EPS15: variants seen among roughly 807,000 people sequenced by gnomAD.
EPS15 encodes the protein epidermal growth factor receptor pathway substrate 15.
In EPS15, 72 loss-of-function variants were observed where a neutral mutation model predicts 113.8. The ratio of observed to expected loss-of-function variants is 0.63; its 90% CI spans 0.52 to 0.77. EPS15 has a LOEUF of 0.77. Ranked by LOEUF, EPS15 falls within the 30% of genes least tolerant of loss-of-function variation. The pLI, the probability that EPS15 is intolerant of heterozygous loss-of-function variation, is 0.00. For missense variants in EPS15, 1,048 were observed against 1,045.8 expected (o/e 1.00, Z -0.03); for synonymous variants, 344 against 363.4 (o/e 0.95, Z 0.61).
intron 12 of EPS15, among the ~76,000 whole-genome samples, chr1:51,423,947 G>A (rs1264299562): frequency 6.6e-6 from 1 of 152,176 alleles, no homozygotes; most frequent in African/African-American, 2.4e-5. Context: ...AAGAGGAAGG[G>A]GAGGAAAGGA....
chr1:51,454,081 A>T (rs1029395043), intron 8 of EPS15, among the ~76,000 whole-genome samples: 3 of 150,976 alleles, frequency 2.0e-5, no homozygotes, highest in Admixed American at 6.6e-5. Context: ...AAGGGAAAAG[A>T]TCGTGCTCAG....
At chr1:51,484,331 G>C (rs1400387954) in intron 1 of EPS15, among the ~76,000 whole-genome samples, 3 of 152,134 alleles carry the variant, frequency 2.0e-5, no homozygotes, top group Non-Finnish European at 4.4e-5. Context: ...GGAGGCCGAG[G>C]CAGGAGGACT....
chr1:51,473,044 T>C (rs1391509794), intron 2 of EPS15, 96 bp from the exon 3 acceptor site: 2 of 908,154 alleles, frequency 2.2e-6, no homozygotes, highest in Admixed American at 4.0e-5. Flanking sequence ...GGGACCTGGC[T>C]TTTGCAAGAA....
intron 8 of EPS15, among the ~76,000 whole-genome samples, chr1:51,459,948 TAAAAAG>T (rs1400666213): frequency 1.3e-5 from 2 of 151,554 alleles, no homozygotes; most frequent in African/African-American, 4.8e-5. Context: ...AAATTTAAAA[TAAAAAG>T]AATAAGAAAA....
At chr1:51,374,951 C>T (rs531714467) in intron 21 of EPS15, among the ~76,000 whole-genome samples, 1 of 150,050 alleles carries the variant, frequency 6.7e-6, no homozygotes, top group African/African-American at 2.4e-5. Context: ...GCTGGAATTA[C>T]AGGTGTAAGC....
At chr1:51,496,162 C>T (rs948551556) in intron 1 of EPS15, among the ~76,000 whole-genome samples, 2 of 152,076 alleles carry the variant, frequency 1.3e-5, no homozygotes, top group African/African-American at 4.8e-5. Context: ...TACTATTATA[C>T]CCATTTAACA....
chr1:51,409,883 GA>G (rs1649536254), intron 13 of EPS15, among the ~76,000 whole-genome samples, 187 bp from the exon 14 acceptor site: 1 of 151,902 alleles, frequency 6.6e-6, no homozygotes, highest in Admixed American at 6.6e-5. Context: ...TCCATATTTA[GA>G]TATTCAATTT....
rs1646205503 is a variant in EPS15, at chr1:51,355,775, G to C, written c.*925C>G. 5.2e-6 allele frequency: 1 copy of C among 192,728 alleles called. No individual in the cohort carries two copies. The highest frequency in any genetic ancestry group is 2.3e-5 in the African/African-American group (1 of 42,596). 11.9% of individuals were successfully genotyped at this position (192,728 alleles called of 1,614,324 possible). Reference sequence around the variant, plus strand: ...TACCTTCCAGTTCTAGCTTGCTGAAGTTTCTTCTGCAAAAGTACAAAAATT... The same window carrying C: ...TACCTTCCAGTTCTAGCTTGCTGAACTTTCTTCTGCAAAAGTACAAAAATT... On this transcript the variant is annotated 3_prime_UTR_variant, in exon 25 of 25. Transcript: ENST00000371733.
intron 21 of EPS15, among the ~76,000 whole-genome samples, chr1:51,382,715 G>A (rs543548595): frequency 8.2e-4 from 125 of 152,102 alleles, no homozygotes; most frequent in African/African-American, 2.2e-3. Flanking sequence ...CACTGTGCCC[G>A]GCCACCATTA....
chr1:51,462,870 A>ATTT (rs34320767), intron 7 of EPS15, among the ~76,000 whole-genome samples: 82 of 111,064 alleles, frequency 7.4e-4, no homozygotes, highest in East Asian at 9.3e-4. Flanking sequence ...AAAAAGTCAG[A>ATTT]TTTTTTTTTT....
At chr1:51,480,565 A>C (rs1211938986) in intron 2 of EPS15, among the ~76,000 whole-genome samples, 1 of 152,216 alleles carries the variant, frequency 6.6e-6, no homozygotes, top group East Asian at 1.9e-4. Flanking sequence ...CACAAGCTGG[A>C]GTGCAATGGC....
At chr1:51,431,024 ACAC>A (rs1651689778) in intron 12 of EPS15, among the ~76,000 whole-genome samples, 104 of 121,424 alleles carry the variant, frequency 8.6e-4, no homozygotes, top group African/African-American at 1.8e-3. Context: ...ACACACACAC[ACAC>A]AAAAATAAAA....
chr1:51,384,298 CTTTTT>C (rs67265512), intron 21 of EPS15, among the ~76,000 whole-genome samples: 4 of 99,530 alleles, frequency 4.0e-5, no homozygotes, highest in Non-Finnish European at 5.6e-5. Flanking sequence ...TTCTTTCTTT[CTTTTT>C]TTTTTTTTTT....
chr1:51,513,842 C>CTA (rs1294650818), intron 1 of EPS15, among the ~76,000 whole-genome samples: 1 of 152,100 alleles, frequency 6.6e-6, no homozygotes, highest in East Asian at 1.9e-4. Flanking sequence ...ATCAATTTCT[C>CTA]TAAATGTTTA....
chr1:51,466,956 T>G (rs1469617127), intron 5 of EPS15, among the ~76,000 whole-genome samples: 1 of 152,002 alleles, frequency 6.6e-6, no homozygotes, highest in African/African-American at 2.4e-5. Context: ...AAAGAGGCCC[T>G]AGAATTCAAT....
At chr1:51,359,469 GTTAAGTAAGGCTGGGCGCGAT>G (rs1340665294) in intron 24 of EPS15, among the ~76,000 whole-genome samples, 2 of 145,014 alleles carry the variant, frequency 1.4e-5, no homozygotes, top group Non-Finnish European at 3.0e-5. Context: ...AAAAAGGAAA[GTTAAGTAAGGCTGGGCGCGAT>G]GGCTCACACC....
chr1:51,358,732 G>A (rs546765804), intron 24 of EPS15, among the ~76,000 whole-genome samples: 17 of 139,454 alleles, frequency 1.2e-4, no homozygotes, highest in East Asian at 2.0e-4. Context: ...TTTTTGAGGC[G>A]GAGTCTCGCT....
chr1:51,456,887 T>C (rs559840429), intron 8 of EPS15, among the ~76,000 whole-genome samples: 3 of 152,174 alleles, frequency 2.0e-5, no homozygotes, highest in South Asian at 2.1e-4. Flanking sequence ...GTTATTAATA[T>C]TGAACAAAAC....
intron 21 of EPS15, chr1:51,372,929 C>T (rs1290196760): frequency 4.2e-6 from 3 of 707,418 alleles, no homozygotes; most frequent in Non-Finnish European, 6.4e-6. Context: ...AATCAACCAC[C>T]AGATCATTAG....
Sources: gnomAD v4.1 joint callset for allele counts (sites outside exome capture counted in the v4.1 genomes callset) on GRCh38, gnomAD v4.1.1 for gene constraint, MANE v1.5 for transcripts, NCBI Gene and HGNC (gene_info 2026-07-23, HGNC 2026-07-21) for gene names.